Variants in CEP44 observed in about 807,000 individuals in gnomAD.
CEP44 encodes the protein centrosomal protein 44, also known as centrosomal protein of 44 kDa.
In CEP44, 45 loss-of-function variants were observed where a neutral mutation model predicts 46.7. That is an observed-to-expected ratio of 0.96 (90% confidence interval 0.76 to 1.24). The LOEUF is 1.24. CEP44 is among the 50% of genes most tolerant of loss of function. The pLI is 0.00. For synonymous variants in CEP44, 142 were observed against 146.0 expected (o/e 0.97, Z 0.20); for missense variants, 475 against 459.7 (o/e 1.03, Z -0.30).
rs116161056 is a variant in CEP44, at chr4:174,290,204, C to T, written c.-148+6261C>T. ...TGCTATAAACACTTCTCTTATTCTG[C>T]TTTTACTGCATCCTATATGTTTGGG... On this transcript the variant is annotated intron_variant, in intron 1 of 11. Coordinates refer to ENST00000503780, the MANE Select transcript of CEP44 (RefSeq NM_001040157.3). This position sits in a 1 kb window ranked among gnomAD's most constrained non-coding sequence, Gnocchi z 4.3. Among the ~76,000 whole-genome samples the T allele has an allele frequency of 5.7e-3, 874 of 152,044 alleles. 8 individuals carry two copies. The highest frequency in any genetic ancestry group is 0.02 in the African/African-American group (821 of 41,488).
intron 9 of CEP44, among the ~76,000 whole-genome samples, chr4:174,313,795 G>A (rs2126652447): frequency 6.6e-6 from 1 of 152,164 alleles, no homozygotes; most frequent in African/African-American, 2.4e-5. Context: ...GAGTAAGGAA[G>A]GTAACACTGA....
At chr4:174,308,640 T>G (rs773672085) in intron 6 of CEP44, 49 bp from the exon 7 acceptor site, 2 of 1,539,770 alleles carry the variant, frequency 1.3e-6, no homozygotes, top group African/African-American at 2.8e-5. Flanking sequence ...AATAAATAAT[T>G]GTGGGAGGAA....
rs889309193 is a variant in CEP44 at position 174,312,493 on chromosome 4, A to G, written c.961+1635A>G. Reference sequence around the variant, plus strand: ...ATTTACATACTGTTTTTAGTAAAACAAGGTCTTGCTATGTTGCTCAGGCTG... The same window carrying G: ...ATTTACATACTGTTTTTAGTAAAACGAGGTCTTGCTATGTTGCTCAGGCTG... On this transcript the variant is annotated intron_variant, in intron 9 of 11. Coordinates refer to ENST00000503780, the MANE Select transcript of CEP44 (RefSeq NM_001040157.3). The surrounding 1 kb of genome is among the most constrained non-coding windows in gnomAD (Gnocchi z 4.5). Among the ~76,000 whole-genome samples the G allele has an allele frequency of 6.6e-6, 1 of 152,050 alleles. No individual in the cohort carries two copies. The highest frequency in any genetic ancestry group is 6.6e-5 in the Admixed American group (1 of 15,254).
chr4:174,317,715 C>T lies in CEP44; in HGVS notation c.*332C>T. The T allele has an allele frequency of 1.0e-6, 1 of 993,894 alleles. No individual in the cohort carries two copies. The allele number at this position is 993,894 out of a possible 1,614,324, so 61.6% of individuals were successfully genotyped here. ...TAAGTAATGTTTTTTAAAGCACAGG[C>T]TTGAGGACTATGGTTTACATCCTGT... On this transcript the variant is annotated 3_prime_UTR_variant, in exon 12 of 12. Transcript: ENST00000503780.
intron 6 of CEP44, among the ~76,000 whole-genome samples, chr4:174,305,590 C>T (rs984457943): frequency 6.6e-6 from 1 of 152,298 alleles, no homozygotes; most frequent in South Asian, 2.1e-4. Flanking sequence ...ACAAAGCCGC[C>T]ATTTTTGAAT....
Position 174,325,978 on chromosome 4 carries a change from T to G in CEP44, c.1087-5504T>G, listed in dbSNP as rs1208209216. On this transcript the variant is annotated intron_variant, in intron 8 of 8. Transcript: ENST00000426172. This position sits in a 1 kb window ranked among gnomAD's most constrained non-coding sequence, Gnocchi z 4.4. ...TGAGTCTGTGCATTTAAAGTGGGTTTCCTGAAGATAACGTAATTTGGTCTT... is the reference window on the plus strand; with the variant it reads ...TGAGTCTGTGCATTTAAAGTGGGTTGCCTGAAGATAACGTAATTTGGTCTT... Among the ~76,000 whole-genome samples, 1 of 152,124 alleles carries G rather than the reference T, an allele frequency of 6.6e-6. No homozygotes were observed. The highest frequency in any genetic ancestry group is 2.4e-5 in the African/African-American group (1 of 41,438).
Position 174,312,160 on chromosome 4 carries a change from A to G in CEP44, c.961+1302A>G, listed in dbSNP as rs1741156327. 2.6e-5 allele frequency among the ~76,000 whole-genome samples: 4 copies of G among 152,190 alleles called. No homozygotes were observed. ...AGAATATTGAATGCTTGTGATTTGC[A>G]AAACATTGCCTTTTTCAAGTTTGAT... On this transcript the variant is annotated intron_variant, in intron 9 of 11. Coordinates refer to ENST00000503780, the MANE Select transcript of CEP44 (RefSeq NM_001040157.3). This position sits in a 1 kb window ranked among gnomAD's most constrained non-coding sequence, Gnocchi z 4.5.
intron 1 of CEP44, among the ~76,000 whole-genome samples, chr4:174,295,820 T>C (rs1738936276): frequency 6.6e-6 from 1 of 152,244 alleles, no homozygotes; most frequent in Non-Finnish European, 1.5e-5. Context: ...ATTGTATTGT[T>C]TGTTTCAGAA....
chr4:174,294,749 C>T (rs142741415), intron 1 of CEP44, among the ~76,000 whole-genome samples: 33,386 of 131,710 alleles, frequency 0.25, 5,482 homozygotes, highest in Non-Finnish European at 0.36. Flanking sequence ...CCCTGCTGGG[C>T]GGGGGGCTGA....
intron 3 of CEP44, among the ~76,000 whole-genome samples, chr4:174,299,433 C>T (rs2126573003): frequency 6.6e-6 from 1 of 152,196 alleles, no homozygotes; most frequent in Middle Eastern, 3.4e-3. Context: ...TGTTTAGAAG[C>T]ACAGTATTTA....
In CEP44 at chr4:174,286,609, G is replaced by A. The variant is rs557967969; in HGVS notation, c.-148+2666G>A. Among the ~76,000 whole-genome samples the A allele has an allele frequency of 6.6e-6, 1 of 152,248 alleles. No individual in the cohort carries two copies. Among genetic ancestry groups the A allele is most frequent in the South Asian group, 2.1e-4 (1 of 4,824 alleles). On this transcript the variant is annotated intron_variant, in intron 1 of 11. Coordinates refer to ENST00000503780, the MANE Select transcript of CEP44 (RefSeq NM_001040157.3). The surrounding 1 kb of genome is among the most constrained non-coding windows in gnomAD (Gnocchi z 5.2). ...TGGCTGACTAGACTTTTATAGTTCA[G>A]AAACTTACCTCCTTCCAGCAAAGGT...
Position 174,331,483 on chromosome 4 carries a change from A to G in CEP44, c.1088A>G (p.Asn363Ser), listed in dbSNP as rs546001202. ...TATAATTTTGTGTTTCCTTTCTAGA[A>G]TTTTCCTGCATGGAGTGCTACATCC... Residue 363 changes from asparagine to serine, a missense_variant and splice_region_variant, in exon 9 of 9, where the codon AAT becomes AGT. Physicochemically the swap from Asn to Ser is conservative, Grantham distance 46. Transcript: ENST00000426172. This position sits in a 1 kb window ranked among gnomAD's most constrained non-coding sequence, Gnocchi z 4.5. The G allele has an allele frequency of 7.5e-5, 117 of 1,551,010 alleles. No individual in the cohort carries two copies. The highest frequency in any genetic ancestry group is 9.8e-5 in the East Asian group (4 of 40,888).
chr4:174,327,694 G>A (rs1731054599), intron 8 of CEP44, among the ~76,000 whole-genome samples: 3 of 152,082 alleles, frequency 2.0e-5, no homozygotes, highest in South Asian at 4.1e-4. Context: ...AGTGGGGAAT[G>A]GATAGATTAT....
intron 1 of CEP44, among the ~76,000 whole-genome samples, chr4:174,296,199 G>A (rs1738988447): frequency 1.3e-5 from 2 of 152,102 alleles, no homozygotes; most frequent in South Asian, 4.1e-4. Flanking sequence ...ATCTTTTCTT[G>A]CCTTGTTGGA....
In CEP44 at chr4:174,329,458, A is replaced by C. The variant is rs1731198003; in HGVS notation, c.1087-2024A>C. Among the ~76,000 whole-genome samples, 1 of 152,178 alleles carries C rather than the reference A, an allele frequency of 6.6e-6. No individual in the cohort carries two copies. Among genetic ancestry groups the C allele is most frequent in the Non-Finnish European group, 1.5e-5 (1 of 68,044 alleles). ...TGGTTTTACATTGTAAATGTTAAGG[A>C]AACGTGTTTAAATTGTTTTGATATG... On this transcript the variant is annotated intron_variant, in intron 8 of 8. Coordinates refer to the CEP44 transcript ENST00000426172. The surrounding 1 kb of genome is among the most constrained non-coding windows in gnomAD (Gnocchi z 4.0).
At position 174,329,104 on chromosome 4, in the gene CEP44, A is replaced by C. The variant is rs1263840718; in HGVS notation, c.1087-2378A>C. Among the ~76,000 whole-genome samples, 1 of 151,886 alleles carries C rather than the reference A, an allele frequency of 6.6e-6. No individual in the cohort carries two copies. The highest frequency in any genetic ancestry group is 1.9e-4 in the East Asian group (1 of 5,172). On this transcript the variant is annotated intron_variant, in intron 8 of 8. Coordinates refer to the CEP44 transcript ENST00000426172. This position sits in a 1 kb window ranked among gnomAD's most constrained non-coding sequence, Gnocchi z 4.0. Reference sequence around the variant, plus strand: ...CAGAACTACAGATGTGTGCCACTGCACCTGGATTTTTTTTTATTGGTATTT... The same window carrying C: ...CAGAACTACAGATGTGTGCCACTGCCCCTGGATTTTTTTTTATTGGTATTT...
In CEP44 at chr4:174,325,505, A is replaced by G. The variant is rs531146266; in HGVS notation, c.1087-5977A>G. On this transcript the variant is annotated intron_variant, in intron 8 of 8. Coordinates refer to the CEP44 transcript ENST00000426172. This position sits in a 1 kb window ranked among gnomAD's most constrained non-coding sequence, Gnocchi z 4.4. ...CCTGTCTCTACAAAAATTTTTTTAA[A>G]TTAGCCAAGCATAGTGGTATGCACC... 1.5e-3 allele frequency among the ~76,000 whole-genome samples: 227 copies of G among 152,044 alleles called. No individual in the cohort carries two copies. Among genetic ancestry groups the G allele is most frequent in the African/African-American group, 5.3e-3 (221 of 41,478 alleles).
Position 174,286,603 on chromosome 4 carries a change from A to G in CEP44, c.-148+2660A>G, listed in dbSNP as rs1405133253. On this transcript the variant is annotated intron_variant, in intron 1 of 11. Coordinates refer to ENST00000503780, the MANE Select transcript of CEP44 (RefSeq NM_001040157.3). This position sits in a 1 kb window ranked among gnomAD's most constrained non-coding sequence, Gnocchi z 5.2. Reference sequence around the variant, plus strand: ...CGTTACTGGCTGACTAGACTTTTATAGTTCAGAAACTTACCTCCTTCCAGC... The same window carrying G: ...CGTTACTGGCTGACTAGACTTTTATGGTTCAGAAACTTACCTCCTTCCAGC... 6.6e-6 allele frequency among the ~76,000 whole-genome samples: 1 copy of G among 152,164 alleles called. No homozygotes were observed. Among genetic ancestry groups the G allele is most frequent in the Non-Finnish European group, 1.5e-5 (1 of 68,034 alleles).
intron 9 of CEP44, 73 bp from the exon 10 acceptor site, chr4:174,316,093 T>G: frequency 6.5e-7 from 1 of 1,543,246 alleles, no homozygotes; most frequent in Non-Finnish European, 8.8e-7. Flanking sequence ...TTCTTCCATC[T>G]GTAAATAATA....
Sources: allele counts gnomAD v4.1 joint callset (sites outside exome capture counted in the v4.1 genomes callset), GRCh38; gene constraint gnomAD v4.1.1; non-coding constraint Gnocchi (gnomAD v3.1); transcripts MANE v1.5; gene names NCBI Gene and HGNC (gene_info 2026-07-23, HGNC 2026-07-21).